Variants in DZANK1 observed in about 807,000 individuals in gnomAD.
DZANK1 encodes the protein double zinc ribbon and ankyrin repeat domains 1.
DZANK1 carries 91 observed loss-of-function variants against 94.5 expected under a neutral mutation model. The observed-to-expected ratio is 0.96, with a 90% CI of 0.81 to 1.15. DZANK1 has a LOEUF of 1.15. Ranked by LOEUF, DZANK1 falls within the 50% of genes most tolerant of loss-of-function variation. The pLI, the probability that DZANK1 is intolerant of heterozygous loss-of-function variation, is 0.00. For missense variants in DZANK1, 903 were observed against 916.4 expected (o/e 0.99, Z 0.19); for synonymous variants, 312 against 325.3 (o/e 0.96, Z 0.44).
intron 13 of DZANK1, among the ~76,000 whole-genome samples, chr20:18,408,336 A>C (rs1271845012): frequency 6.6e-6 from 1 of 152,154 alleles, no homozygotes; most frequent in African/African-American, 2.4e-5. Context: ...ACAAACAAAC[A>C]AAAAAACCAA....
At chr20:18,411,131 A>C (rs2057236663) in intron 13 of DZANK1, among the ~76,000 whole-genome samples, 1 of 152,186 alleles carries the variant, frequency 6.6e-6, no homozygotes, top group South Asian at 2.1e-4. Context: ...AAGTAAGAAG[A>C]AAGAAGGAAA....
rs1391626476 is a variant in DZANK1, at chr20:18,415,247, G to A, written c.1077+80C>T. On this transcript the variant is annotated intron_variant, in intron 11 of 20. Transcript: ENST00000262547. ...AATCACAAGAAGTGATTTCTGCAAG[G>A]CCATGGAAGAAGTGCCTGGCTCTCT... 3 of 1,315,244 alleles carry A rather than the reference G, an allele frequency of 2.3e-6. No individual in the cohort carries two copies. The Admixed American group carries it at 9.0e-5, about 39-fold the overall frequency. 81.5% of individuals were successfully genotyped at this position (1,315,244 alleles called of 1,614,324 possible).
intron 13 of DZANK1, among the ~76,000 whole-genome samples, chr20:18,403,796 C>CTTTT (rs35824877): frequency 6.8e-3 from 764 of 111,552 alleles, no homozygotes; most frequent in Non-Finnish European, 8.3e-3. Flanking sequence ...AACTTTCTTT[C>CTTTT]TTTTTTTTTT....
intron 17 of DZANK1, 90 bp from the exon 18 acceptor site, chr20:18,390,549 C>A: frequency 7.9e-7 from 1 of 1,269,324 alleles, no homozygotes; most frequent in Non-Finnish European, 1.1e-6. Flanking sequence ...TTCTAAGTCA[C>A]AAGGACAGGT....
rs1010249517 is a variant in DZANK1, at chr20:18,456,726, C to T, written c.264-1365G>A. On this transcript the variant is annotated intron_variant, in intron 3 of 20. Coordinates refer to ENST00000262547, the Ensembl canonical transcript of DZANK1. ...TATTTGTTTTTTTTTGGAGACTCAT[C>T]TATGTTGTTGTAACTCGTTCATTGT... Among the ~76,000 whole-genome samples, 4 of 151,896 alleles carry T rather than the reference C, an allele frequency of 2.6e-5. 1 individual carries two copies. The Middle Eastern group carries it at 0.014, about 520-fold the overall frequency.
At chr20:18,433,879 T>C (rs1463259688) in intron 8 of DZANK1, 114 bp from the exon 9 acceptor site, 3 of 862,822 alleles carry the variant, frequency 3.5e-6, no homozygotes, top group Non-Finnish European at 5.4e-6. Flanking sequence ...CCCGATCTCA[T>C]CTGATCTCAA....
chr20:18,413,387 G>A (rs1225457369), intron 12 of DZANK1, among the ~76,000 whole-genome samples: 1 of 152,152 alleles, frequency 6.6e-6, no homozygotes, highest in Non-Finnish European at 1.5e-5. Flanking sequence ...TCCAATAGAT[G>A]GCAGTCAAGT....
intron 1 of DZANK1, 65 bp from the exon 2 acceptor site, chr20:18,465,442 A>C (rs924385573): frequency 1.9e-6 from 1 of 532,388 alleles, no homozygotes; most frequent in Non-Finnish European, 3.0e-6. Flanking sequence ...CTTAATTTAA[A>C]TGCAGCAAAA....
At chr20:18,393,916 G>T in intron 16 of DZANK1, 105 bp from the exon 17 acceptor site, 1 of 772,730 alleles carries the variant, frequency 1.3e-6, no homozygotes. Flanking sequence ...GGATAAAATG[G>T]CTATCATAGA....
chr20:18,387,383 A>G (rs1173070971), intron 19 of DZANK1, among the ~76,000 whole-genome samples: 4 of 152,246 alleles, frequency 2.6e-5, no homozygotes, highest in Admixed American at 2.6e-4. Flanking sequence ...TTTACTATTC[A>G]TATACAAACA....
At chr20:18,427,184 C>A (rs2058083423) in intron 9 of DZANK1, 25 bp from the exon 10 acceptor site, 1 of 1,574,536 alleles carries the variant, frequency 6.4e-7, no homozygotes, top group Admixed American at 1.7e-5. Flanking sequence ...ATAAGACATA[C>A]ATGTTCCTCT....
At chr20:18,463,949 C>T (rs2059558178) in intron 2 of DZANK1, among the ~76,000 whole-genome samples, 1 of 151,956 alleles carries the variant, frequency 6.6e-6, no homozygotes, top group Admixed American at 6.6e-5. Context: ...GTGAAACTTT[C>T]CTTCCTTATG....
chr20:18,383,632 T>C (rs978272226), exon 21 of DZANK1: 3 of 152,200 alleles, frequency 2.0e-5, no homozygotes, highest in South Asian at 2.1e-4. Context: ...TGTACTCCTC[T>C]GTACATGTGC....
rs2058709007 is a variant in DZANK1 at position 18,441,338 on chromosome 20, T to C, written c.747+2009A>G. Among the ~76,000 whole-genome samples the C allele has an allele frequency of 6.6e-6, 1 of 152,176 alleles. No homozygotes were observed. Among genetic ancestry groups the C allele is most frequent in the Non-Finnish European group, 1.5e-5 (1 of 68,036 alleles). ...AGACCAAACCACTTCCAAAATCCCA[T>C]TTCCCAGTTTATTTCCTGGGACCAA... On this transcript the variant is annotated intron_variant, in intron 8 of 20. Coordinates refer to ENST00000262547, the Ensembl canonical transcript of DZANK1. This position sits in a 1 kb window ranked among gnomAD's most constrained non-coding sequence, Gnocchi z 4.1.
At position 18,424,783 on chromosome 20, in the gene DZANK1, T is replaced by C. The variant is rs529341613; in HGVS notation, c.954+2284A>G. ...ATGTAATGCAGCATTATTCATAGTG[T>C]GCCGGCACTGGAAACAGCATGAGTA... is the stretch of plus-strand genomic sequence containing the variant. On this transcript the variant is annotated intron_variant, in intron 10 of 20. Coordinates refer to ENST00000262547, the Ensembl canonical transcript of DZANK1. Among the ~76,000 whole-genome samples the C allele has an allele frequency of 2.6e-5, 4 of 152,264 alleles. No homozygotes were observed. In the East Asian group the frequency reaches 7.7e-4, roughly 29 times the overall value.
intron 10 of DZANK1, among the ~76,000 whole-genome samples, chr20:18,423,070 C>T (rs1030590682): frequency 1.3e-4 from 20 of 151,884 alleles, no homozygotes; most frequent in African/African-American, 4.6e-4. Context: ...GACAGTGGGC[C>T]CCATCATATT....
chr20:18,393,560 A>C (rs2056144044), intron 17 of DZANK1, 151 bp downstream of exon 17: 1 of 543,992 alleles, frequency 1.8e-6, no homozygotes, highest in Non-Finnish European at 3.2e-6. Context: ...GATACTTTAA[A>C]GAAGTCTAAA....
chr20:18,459,261 G>T (rs1356739602), intron 3 of DZANK1, among the ~76,000 whole-genome samples: 2 of 152,172 alleles, frequency 1.3e-5, no homozygotes, highest in Non-Finnish European at 2.9e-5. Context: ...TACTCCATTT[G>T]CAGCACACAC....
At chr20:18,426,664 C>T (rs531115314) in intron 10 of DZANK1, among the ~76,000 whole-genome samples, 1 of 152,224 alleles carries the variant, frequency 6.6e-6, no homozygotes, top group Admixed American at 6.5e-5. Flanking sequence ...TAGGTGGCTA[C>T]AATGTTCTCA....
Sources: allele counts gnomAD v4.1 joint callset (sites outside exome capture counted in the v4.1 genomes callset), GRCh38; gene constraint gnomAD v4.1.1; non-coding constraint Gnocchi (gnomAD v3.1); transcripts MANE v1.5; gene names NCBI Gene and HGNC (gene_info 2026-07-23, HGNC 2026-07-21).